The following CSDE1 variants were observed in gnomAD, a reference collection of about 807,000 sequenced individuals.
The protein encoded by CSDE1 is cold shock domain-containing protein E1.
Under a neutral mutation model 89.3 loss-of-function variants are expected in CSDE1, and 17 were observed. The observed-to-expected ratio is 0.19, with a 90% confidence interval of 0.13 to 0.29. The LOEUF (loss-of-function observed/expected upper bound fraction) is 0.29. Among genes scored for constraint, CSDE1 ranks in the 10% least tolerant of loss-of-function variants. CSDE1 has a pLI of 1.00. For synonymous variants in CSDE1, 322 were observed against 332.8 expected (o/e 0.97, Z 0.35); for missense variants, 672 against 984.2 (o/e 0.68, Z 4.24).
At chr1:114,750,229 A>T (rs1272470023) in intron 1 of CSDE1, 22 bp from the exon 2 acceptor site, 1 of 152,518 alleles carries the variant, frequency 6.6e-6, no homozygotes, top group East Asian at 1.9e-4. Context: ...AAATGAAGAC[A>T]TTAAGTATAA....
At position 114,730,373 on chromosome 1, in the gene CSDE1, G is replaced by T; in HGVS notation, c.1241C>A (p.Pro414His). The change falls in exon 12 of 20, where the codon CCC (proline) becomes CAC (histidine). Residue 414 changes from proline (P) to histidine (H), a missense_variant. By Grantham distance (77) the Pro-to-His change is moderately conservative (BLOSUM62 -2). Coordinates refer to ENST00000358528, the MANE Select transcript of CSDE1 (RefSeq NM_001007553.3). ...RNHAIRIKKL[P>H]KGTVSFHSHS... is the part of the protein sequence containing the mutation. ...GGAATGAAATGAAACCGTGCCCTTG[G>T]GAAGTTTTTTAATCCTAATAGCATG... 1 of 1,614,102 alleles carries T rather than the reference G, an allele frequency of 6.2e-7. No homozygotes were observed. Among genetic ancestry groups the T allele is most frequent in the Non-Finnish European group, 8.5e-7 (1 of 1,180,014 alleles).
At chr1:114,756,390 A>G (rs1661598308) in intron 1 of CSDE1, among the ~76,000 whole-genome samples, 1 of 152,236 alleles carries the variant, frequency 6.6e-6, no homozygotes, top group African/African-American at 2.4e-5. Context: ...CTACTGAAGT[A>G]TATAAAGCCC....
intron 14 of CSDE1, 103 bp downstream of exon 14, chr1:114,726,108 T>G (rs1277279494): frequency 8.6e-7 from 1 of 1,164,768 alleles, no homozygotes; most frequent in Non-Finnish European, 1.2e-6. Context: ...ATATGAAATC[T>G]GAACCTCAAC....
At chr1:114,739,440 A>C (rs1409581734) in intron 3 of CSDE1, among the ~76,000 whole-genome samples, 1 of 152,254 alleles carries the variant, frequency 6.6e-6, no homozygotes, top group Non-Finnish European at 1.5e-5. Flanking sequence ...TACTGGCTTA[A>C]AATCTTACGG....
intron 2 of CSDE1, among the ~76,000 whole-genome samples, chr1:114,749,185 C>T (rs1017343090): frequency 6.6e-6 from 1 of 152,176 alleles, no homozygotes; most frequent in African/African-American, 2.4e-5. Context: ...TCCTCCTTAC[C>T]TCCAAGGGAA....
intron 19 of CSDE1, 63 bp from the exon 20 acceptor site, chr1:114,718,279 C>T: frequency 2.0e-6 from 3 of 1,518,522 alleles, no homozygotes; most frequent in East Asian, 2.3e-5. Flanking sequence ...AATCATAGTA[C>T]ATTCACTATT....
chr1:114,725,327 G>A lies in CSDE1; in HGVS notation c.1647C>T (p.Phe549=). The change falls in exon 15 of 20, where the codon TTC becomes TTT. Residue 549 remains phenylalanine, a synonymous_variant. Transcript: ENST00000358528. ...DKEIFFHYSE[F]SGDVDSLELG... The stretch of plus-strand genomic sequence containing the variant: ...GTTCCAGGCTATCAACATCACCAGA[G>A]AACTCACTAAGGAGAAAGGAAATGA... The A allele has an allele frequency of 6.2e-7, 1 of 1,612,994 alleles. No individual in the cohort carries two copies. Among genetic ancestry groups the A allele is most frequent in the Non-Finnish European group, 8.5e-7 (1 of 1,179,026 alleles).
chr1:114,725,178 C>T (rs1339704073), intron 15 of CSDE1, 43 bp downstream of exon 15: 1 of 1,480,758 alleles, frequency 6.8e-7, no homozygotes, highest in Admixed American at 1.7e-5. Context: ...CCTTTATCTC[C>T]CACTTAAAAG....
intron 3 of CSDE1, among the ~76,000 whole-genome samples, chr1:114,738,774 G>A (rs1389183301): frequency 7.0e-6 from 1 of 142,640 alleles, no homozygotes; most frequent in East Asian, 2.1e-4. Context: ...GGGCTCAAGC[G>A]ATCCTCCCAC....
rs779738658 is a variant in CSDE1 at position 114,730,268 on chromosome 1, C to A, written c.1346G>T (p.Gly449Val). 36 of 1,612,262 alleles carry A rather than the reference C, an allele frequency of 2.2e-5. No homozygotes were observed. Among genetic ancestry groups the A allele is most frequent in the Non-Finnish European group, 2.7e-5 (32 of 1,179,614 alleles). The stretch of plus-strand genomic sequence containing the variant: ...TTATGCAAAACCTACCTTCTCTTTG[C>A]CTTTATTTGGGCTAGTGGTTTTAGG... The part of the protein sequence containing the change: ...SNPKTTSPNK[G>V]KEKEAEDGII... The change falls in exon 12 of 20, where the codon GGC becomes GTC. Residue 449 changes from glycine (G) to valine (V), a missense_variant. Coordinates refer to ENST00000358528, the MANE Select transcript of CSDE1 (RefSeq NM_001007553.3).
rs771834381 is a variant in CSDE1, at chr1:114,726,293, A to G, written c.1558T>C (p.Leu520=). The change falls in exon 14 of 20, where the codon TTG becomes CTG. Residue 520 remains leucine, a synonymous_variant. Transcript: ENST00000358528. Reference sequence around the variant, plus strand: ...TCCTTCAGAGTTGCCACATAACCCAAGAGCCTCTTGGAGTTAGAATTACGA... The same window carrying G: ...TCCTTCAGAGTTGCCACATAACCCAGGAGCCTCTTGGAGTTAGAATTACGA... ...LGRNSNSKRL[L]GYVATLKDNF... The G allele has an allele frequency of 1.2e-6, 2 of 1,613,810 alleles. No homozygotes were observed. Among genetic ancestry groups the G allele is most frequent in the Non-Finnish European group, 1.7e-6 (2 of 1,179,874 alleles).
chr1:114,724,226 T>C (rs1659681490), intron 15 of CSDE1: 2 of 348,846 alleles, frequency 5.7e-6, no homozygotes, highest in South Asian at 9.0e-5. Flanking sequence ...TAGAATTGTT[T>C]AAATAAAATT....
In CSDE1 at chr1:114,717,973, A is replaced by G. The variant is rs1659280542; in HGVS notation, c.*196T>C. Reference sequence around the variant, plus strand: ...AAGTTTTTCCAGGCTGCAACTGTGCATTATTTAAAATGGTTTTCTTAAATT... The same window carrying G: ...AAGTTTTTCCAGGCTGCAACTGTGCGTTATTTAAAATGGTTTTCTTAAATT... On this transcript the variant is annotated 3_prime_UTR_variant, in exon 20 of 20. Transcript: ENST00000358528. 2 of 575,394 alleles carry G rather than the reference A, an allele frequency of 3.5e-6. No homozygotes were observed. The highest frequency in any genetic ancestry group is 4.7e-4 in the Middle Eastern group (1 of 2,130). 35.6% of individuals were successfully genotyped at this position (575,394 alleles called of 1,614,324 possible).
chr1:114,748,099 G>A (rs1194093659), intron 2 of CSDE1, among the ~76,000 whole-genome samples: 1 of 152,188 alleles, frequency 6.6e-6, no homozygotes, highest in African/African-American at 2.4e-5. Context: ...GTTTTTAGTT[G>A]TTAAGGAATA....
intron 1 of CSDE1, among the ~76,000 whole-genome samples, chr1:114,756,378 C>T (rs1416778727): frequency 6.6e-6 from 1 of 152,120 alleles, no homozygotes; most frequent in African/African-American, 2.4e-5. Context: ...TCAGGTATAT[C>T]CCTACTGAAG....
intron 1 of CSDE1, among the ~76,000 whole-genome samples, chr1:114,753,361 C>T (rs1328294621): frequency 1.3e-5 from 2 of 152,196 alleles, no homozygotes; most frequent in African/African-American, 2.4e-5. Flanking sequence ...AAAGCTCAAA[C>T]GAACCCACCA....
Position 114,739,036 on chromosome 1 carries a change from C to CTT in CSDE1, c.199+654_199+655dup, listed in dbSNP as rs946443475. Among the ~76,000 whole-genome samples, 3 of 141,890 alleles carry CTT rather than the reference C, an allele frequency of 2.1e-5. No homozygotes were observed. The South Asian group carries it at 6.7e-4, about 32-fold the overall frequency. 93.1% of individuals were successfully genotyped at this position (141,890 alleles called of 152,430 possible). On this transcript the variant is annotated intron_variant, in intron 3 of 19. Transcript: ENST00000358528. ...AATTTCCATATAATCTAAGAGGTGA[C>CTT]TTTTTTTTTTTTTGAGACGGGGTCT... is the stretch of plus-strand genomic sequence containing the variant.
At chr1:114,746,288 CCTT>C (rs1352989357) in intron 2 of CSDE1, among the ~76,000 whole-genome samples, 4 of 152,254 alleles carry the variant, frequency 2.6e-5, no homozygotes, top group African/African-American at 7.2e-5. Context: ...TGATTACACT[CCTT>C]GATTCTGTAG....
intron 1 of CSDE1, chr1:114,756,975 C>CT (rs930174918): frequency 4.6e-5 from 7 of 152,226 alleles, no homozygotes; most frequent in African/African-American, 1.7e-4. Flanking sequence ...CGGGGGAACT[C>CT]TAAAACATTC....
Sources: allele counts gnomAD v4.1 joint callset (sites outside exome capture counted in the v4.1 genomes callset), GRCh38; gene constraint gnomAD v4.1.1; transcripts MANE v1.5; gene names NCBI Gene and HGNC (gene_info 2026-07-23, HGNC 2026-07-21).